ADAT3: variants seen among roughly 807,000 people sequenced by gnomAD.
ADAT3 encodes tRNA-specific adenosine-34 deaminase regulatory subunit ADAT3.
A neutral mutation model predicts 3.5 loss-of-function variants in ADAT3; 2 were observed. That is an observed-to-expected ratio of 0.57 (90% CI 0.23 to 1.79). The LOEUF is 1.79. Ranked by LOEUF, ADAT3 falls within the 40% of genes most tolerant of loss-of-function variation. ADAT3 has a pLI of 0.18. For missense variants in ADAT3, 735 were observed against 571.4 expected (o/e 1.29, Z -2.92); for synonymous variants, 358 against 270.3 (o/e 1.32, Z -3.18).
Position 1,912,125 on chromosome 19 carries a change from G to GC in ADAT3, c.81dup (p.Lys28GlnfsTer11), listed in dbSNP as rs758090388. The GC allele has an allele frequency of 6.4e-7, 1 of 1,550,892 alleles. No homozygotes were observed. Among genetic ancestry groups the GC allele is most frequent in the Non-Finnish European group, 8.7e-7 (1 of 1,153,658 alleles). On this transcript the variant is annotated frameshift_variant, in exon 2 of 2. Coordinates refer to ENST00000329478, the MANE Select transcript of ADAT3 (RefSeq NM_138422.4). LOFTEE classifies it low-confidence loss of function (END_TRUNC). ...AGCCCGCCCCGGGCCTCGTGGAGCAGCCCAAGTGCTTGGAGGCCGGGAGCC... is the reference window on the plus strand; with the variant it reads ...AGCCCGCCCCGGGCCTCGTGGAGCAGCCCCAAGTGCTTGGAGGCCGGGAGCC...
chr19:1,912,388 G>A lies in ADAT3; in HGVS notation c.341G>A (p.Gly114Glu). ...CTGGAGATGCTGCTTTGCCTGGCTG[G>A]GCCGGCCTCGGGCCCGCGCTCGCTG... The part of the protein sequence containing the change: ...HALEMLLCLA[G>E]PASGPRSLAE... Residue 114 changes from glycine (G) to glutamate (E), a missense_variant, in exon 2 of 2, where the codon GGG becomes GAG. Coordinates refer to ENST00000329478, the MANE Select transcript of ADAT3 (RefSeq NM_138422.4). 6.6e-7 allele frequency: 1 copy of A among 1,518,768 alleles called. No individual in the cohort carries two copies. The highest frequency in any genetic ancestry group is 8.8e-7 in the Non-Finnish European group (1 of 1,140,618). 94.1% of individuals were successfully genotyped at this position (1,518,768 alleles called of 1,614,324 possible). A position where few individuals can be genotyped will look rare whatever the true frequency, so the allele number is the denominator to read the frequency against.
At position 1,912,954 on chromosome 19, in the gene ADAT3, A is replaced by C. The variant is rs1298203749; in HGVS notation, c.907A>C (p.Thr303Pro). The C allele has an allele frequency of 6.2e-7, 1 of 1,610,294 alleles. No homozygotes were observed. The highest frequency in any genetic ancestry group is 1.1e-5 in the South Asian group (1 of 91,078). ...YLCTGYDLYV[T>P]REPCAMCAMA... Reference sequence around the variant, plus strand: ...GTGCACTGGCTACGACCTGTACGTGACCCGCGAGCCCTGCGCCATGTGCGC... The same window carrying C: ...GTGCACTGGCTACGACCTGTACGTGCCCCGCGAGCCCTGCGCCATGTGCGC... The change falls in exon 2 of 2, where the codon ACC becomes CCC. Residue 303 changes from threonine (T) to proline (P), a missense_variant. By Grantham distance (38) the Thr-to-Pro change is conservative. Transcript: ENST00000329478.
chr19:1,910,044 C>T (rs973648432), intron 1 of ADAT3, among the ~76,000 whole-genome samples: 7 of 152,352 alleles, frequency 4.6e-5, no homozygotes, highest in East Asian at 1.9e-4. Context: ...GTGTCCCCCA[C>T]ACTTGGCATG....
intron 1 of ADAT3, among the ~76,000 whole-genome samples, chr19:1,911,533 C>A (rs1163318203): frequency 6.6e-6 from 1 of 152,192 alleles, no homozygotes; most frequent in Non-Finnish European, 1.5e-5. Flanking sequence ...CACCTGTAAT[C>A]CCACCACCAG....
At chr19:1,911,808 A>T in intron 1 of ADAT3, 82 bp from the exon 2 acceptor site, 1 of 422,216 alleles carries the variant, frequency 2.4e-6, no homozygotes, top group Non-Finnish European at 4.1e-6. Flanking sequence ...ATAAAAAAAA[A>T]AGAAAATGAT....
intron 1 of ADAT3, among the ~76,000 whole-genome samples, chr19:1,911,357 A>T (rs1423573244): frequency 6.6e-6 from 1 of 151,872 alleles, no homozygotes; most frequent in South Asian, 2.1e-4. Flanking sequence ...TATTTAGTAG[A>T]AATGGGGTGT....
rs2013248662 is a variant in ADAT3 at position 1,908,329 on chromosome 19, C to T, written c.-159+2890C>T. ...TCGGGCAGCGCTGGGGCCGCTTCAG[C>T]GTGACCTCCAAGGCCACTGGCCTGG... On this transcript the variant is annotated intron_variant, in intron 1 of 1. Transcript: ENST00000329478. This position sits in a 1 kb window ranked among gnomAD's most constrained non-coding sequence, Gnocchi z 4.2. 3 of 358,576 alleles carry T rather than the reference C, an allele frequency of 8.4e-6. No homozygotes were observed. Among genetic ancestry groups the T allele is most frequent in the African/African-American group, 2.2e-5 (1 of 46,334 alleles). 22.2% of individuals were successfully genotyped at this position (358,576 alleles called of 1,614,324 possible). A position where few individuals can be genotyped will look rare whatever the true frequency, so the allele number is the denominator to read the frequency against.
Position 1,912,347 on chromosome 19 carries a change from CG to C in ADAT3, c.302del (p.Gly101AlafsTer50), listed in dbSNP as rs1225385809. 11 of 1,531,956 alleles carry C rather than the reference CG, an allele frequency of 7.2e-6. No individual in the cohort carries two copies. The highest frequency in any genetic ancestry group is 7.8e-6 in the Non-Finnish European group (9 of 1,147,338). 94.9% of individuals were successfully genotyped at this position (1,531,956 alleles called of 1,614,324 possible). A position where few individuals can be genotyped will look rare whatever the true frequency, so the allele number is the denominator to read the frequency against. The part of the protein sequence containing the change: ...LKRVRPSRDA[G>X]SPHALEMLLC... ...AGCGGGTGCGGCCCAGCCGCGATGCCGGCAGCCCCCACGCCCTGGAGATGCT... is the reference window on the plus strand; with the variant it reads ...AGCGGGTGCGGCCCAGCCGCGATGCCGCAGCCCCCACGCCCTGGAGATGCT... On this transcript the variant is annotated frameshift_variant, in exon 2 of 2. Transcript: ENST00000329478. LOFTEE classifies it low-confidence loss of function (END_TRUNC).
In ADAT3 at chr19:1,908,575, G is replaced by A. The variant is rs989946775; in HGVS notation, c.-159+3136G>A. The A allele has an allele frequency of 6.4e-6, 3 of 471,032 alleles. No homozygotes were observed. The highest frequency in any genetic ancestry group is 2.3e-5 in the Admixed American group (1 of 42,556). 29.2% of individuals were successfully genotyped at this position (471,032 alleles called of 1,614,324 possible). ...CTGGAGTCATTTTAAGATCATCTGC[G>A]GCTTAGCCCCAGCACCATCTGAGGC... On this transcript the variant is annotated intron_variant, in intron 1 of 1. Transcript: ENST00000329478. This position sits in a 1 kb window ranked among gnomAD's most constrained non-coding sequence, Gnocchi z 4.2.
At position 1,908,264 on chromosome 19, in the gene ADAT3, A is replaced by G. The variant is rs2013244608; in HGVS notation, c.-159+2825A>G. 1 of 281,632 alleles carries G rather than the reference A, an allele frequency of 3.6e-6. No individual in the cohort carries two copies. Among genetic ancestry groups the G allele is most frequent in the South Asian group, 2.8e-5 (1 of 35,376 alleles). The allele number at this position is 281,632 out of a possible 1,614,324, so 17.4% of individuals were successfully genotyped here. A position where few individuals can be genotyped will look rare whatever the true frequency, so the allele number is the denominator to read the frequency against. Reference sequence around the variant, plus strand: ...TCCGCGCTTCCTGCTCCCGGCTCCCACTGCATCTCCGGTTCTGTGCTTTGT... The same window carrying G: ...TCCGCGCTTCCTGCTCCCGGCTCCCGCTGCATCTCCGGTTCTGTGCTTTGT... On this transcript the variant is annotated intron_variant, in intron 1 of 1. Transcript: ENST00000329478. The surrounding 1 kb of genome is among the most constrained non-coding windows in gnomAD (Gnocchi z 4.2).
rs1459872678 is a variant in ADAT3, at chr19:1,912,391, C to T, written c.344C>T (p.Pro115Leu). Residue 115 changes from proline (P) to leucine (L), a missense_variant, in exon 2 of 2, where the codon CCG becomes CTG. Coordinates refer to ENST00000329478, the MANE Select transcript of ADAT3 (RefSeq NM_138422.4). ...ALEMLLCLAG[P>L]ASGPRSLAEL... ...GAGATGCTGCTTTGCCTGGCTGGGC[C>T]GGCCTCGGGCCCGCGCTCGCTGGCT... The T allele has an allele frequency of 4.6e-6, 7 of 1,517,980 alleles. No homozygotes were observed. Among genetic ancestry groups the T allele is most frequent in the Middle Eastern group, 1.8e-4 (1 of 5,554 alleles). 94.0% of individuals were successfully genotyped at this position (1,517,980 alleles called of 1,614,324 possible).
Position 1,912,158 on chromosome 19 carries a change from T to G in ADAT3, c.111T>G (p.Pro37=), listed in dbSNP as rs760510020. 440 of 1,569,764 alleles carry G rather than the reference T, an allele frequency of 2.8e-4. No individual in the cohort carries two copies. The highest frequency in any genetic ancestry group is 1.1e-3 in the South Asian group (98 of 85,818). ...GCTTGGAGGCCGGGAGCCCGGAGCC[T>G]GAGCCGGCGCCGTGGCAGGCCCTCC... The part of the protein sequence containing the change: ...PKCLEAGSPE[P]EPAPWQALPV... The change falls in exon 2 of 2, where the codon CCT becomes CCG. Residue 37 remains proline (P), a synonymous_variant. Coordinates refer to ENST00000329478, the MANE Select transcript of ADAT3 (RefSeq NM_138422.4).
Position 1,912,578 on chromosome 19 carries a change from T to A in ADAT3, c.531T>A (p.Ala177=). Residue 177 remains alanine (A), a synonymous_variant, in exon 2 of 2, where the codon GCT becomes GCA. Coordinates refer to ENST00000329478, the MANE Select transcript of ADAT3 (RefSeq NM_138422.4). The part of the protein sequence containing the change: ...HEDKQVTSAL[A]GRLFSTQERA... The stretch of plus-strand genomic sequence containing the variant: ...ACAAGCAGGTGACCAGCGCCCTGGC[T>A]GGGCGGCTCTTCTCCACGCAGGAGC... The A allele has an allele frequency of 6.7e-7, 1 of 1,496,528 alleles. No homozygotes were observed. The highest frequency in any genetic ancestry group is 8.9e-7 in the Non-Finnish European group (1 of 1,129,734). The allele number at this position is 1,496,528 out of a possible 1,614,324, so 92.7% of individuals were successfully genotyped here.
In ADAT3 at chr19:1,912,986, C is replaced by T. The variant is rs767706073; in HGVS notation, c.939C>T (p.Ala313=). Residue 313 remains alanine (A), a synonymous_variant, in exon 2 of 2, where the codon GCC becomes GCT. Coordinates refer to ENST00000329478, the MANE Select transcript of ADAT3 (RefSeq NM_138422.4). ...TREPCAMCAM[A]LVHARILRVF... is the part of the protein sequence containing the mutation. Reference sequence around the variant, plus strand: ...AGCCCTGCGCCATGTGCGCCATGGCCCTGGTGCACGCACGCATCCTGCGCG... The same window carrying T: ...AGCCCTGCGCCATGTGCGCCATGGCTCTGGTGCACGCACGCATCCTGCGCG... 2 of 1,609,472 alleles carry T rather than the reference C, an allele frequency of 1.2e-6. No homozygotes were observed. The highest frequency in any genetic ancestry group is 2.2e-5 in the East Asian group (1 of 44,848).
intron 1 of ADAT3, 69 bp from the exon 2 acceptor site, chr19:1,911,821 G>A (rs1472804105): frequency 2.3e-6 from 1 of 443,096 alleles, no homozygotes; most frequent in South Asian, 7.4e-5. Context: ...AAAATGATCT[G>A]TCTTCTGGTA....
intron 1 of ADAT3, 33 bp downstream of exon 1, chr19:1,905,472 C>G (rs1340748809): frequency 2.2e-6 from 1 of 451,450 alleles, no homozygotes; most frequent in South Asian, 1.6e-5. Flanking sequence ...TCGGGTTCTC[C>G]AGGCTCAGAC....
chr19:1,912,837 G>C lies in ADAT3; in HGVS notation c.790G>C (p.Ala264Pro). 6.3e-7 allele frequency: 1 copy of C among 1,592,824 alleles called. No individual in the cohort carries two copies. The highest frequency in any genetic ancestry group is 8.5e-7 in the Non-Finnish European group (1 of 1,175,786). ...CACCTACGACTTCAGACCCTTCCCC[G>C]CCTGCTCCTTCGCCCCGGCCGCTGC... ...RGTYDFRPFP[A>P]CSFAPAAAPQ... is the part of the protein sequence containing the mutation. The change falls in exon 2 of 2, where the codon GCC (alanine) becomes CCC (proline). Residue 264 changes from alanine to proline, a missense_variant. By Grantham distance (27) the Ala-to-Pro change is conservative. Coordinates refer to ENST00000329478, the MANE Select transcript of ADAT3 (RefSeq NM_138422.4).
At chr19:1,909,680 A>G (rs1374548490) in intron 1 of ADAT3, among the ~76,000 whole-genome samples, 2 of 152,182 alleles carry the variant, frequency 1.3e-5, no homozygotes, top group African/African-American at 4.8e-5. Context: ...GCCTTGGCAC[A>G]CTGCCCGGCA....
In ADAT3 at chr19:1,911,977, C is replaced by T; in HGVS notation, c.-71C>T. The T allele has an allele frequency of 7.1e-7, 1 of 1,409,038 alleles. No individual in the cohort carries two copies. Among genetic ancestry groups the T allele is most frequent in the South Asian group, 1.6e-5 (1 of 64,310 alleles). The allele number at this position is 1,409,038 out of a possible 1,614,324, so 87.3% of individuals were successfully genotyped here. The stretch of plus-strand genomic sequence containing the variant: ...TAGCCTCAGCTTTGGTGGCAGCACG[C>T]CCTGCCTTGTGGAGCCACGGCCTCC... On this transcript the variant is annotated 5_prime_UTR_variant, in exon 2 of 2. Coordinates refer to ENST00000329478, the MANE Select transcript of ADAT3 (RefSeq NM_138422.4).
Sources: gnomAD v4.1 joint callset for allele counts (sites outside exome capture counted in the v4.1 genomes callset) on GRCh38, gnomAD v4.1.1 for gene constraint, Gnocchi (gnomAD v3.1) non-coding constraint, MANE v1.5 for transcripts, NCBI Gene and HGNC (gene_info 2026-07-23, HGNC 2026-07-21) for gene names.